NKAIN2: variants seen among roughly 807,000 people sequenced by gnomAD.
NKAIN2 encodes sodium/potassium transporting ATPase interacting 2, also known as sodium/potassium-transporting ATPase subunit beta-1-interacting protein 2.
NKAIN2 carries 14 observed loss-of-function variants against 32.6 expected under a neutral mutation model. The ratio of observed to expected loss-of-function variants is 0.43; its 90% CI spans 0.28 to 0.67. The LOEUF (loss-of-function observed/expected upper bound fraction) is 0.67, where lower values mean the gene tolerates loss of function less well. Ranked by LOEUF, NKAIN2 falls within the 30% of genes least tolerant of loss-of-function variation. The pLI is 0.17. For synonymous variants in NKAIN2, 80 were observed against 87.2 expected (o/e 0.92, Z 0.46); for missense variants, 198 against 258.3 (o/e 0.77, Z 1.60).
At chr6:124,354,320 T>C (rs1006266140) in intron 2 of NKAIN2, among the ~76,000 whole-genome samples, 5 of 152,220 alleles carry the variant, frequency 3.3e-5, no homozygotes, top group Non-Finnish European at 5.9e-5. Flanking sequence ...GGTCTTTGCA[T>C]TCTCAGTGTC....
intron 1 of NKAIN2, among the ~76,000 whole-genome samples, chr6:124,026,693 A>T (rs945191085): frequency 2.6e-5 from 4 of 152,182 alleles, no homozygotes; most frequent in Non-Finnish European, 5.9e-5. Flanking sequence ...GCCACCACTG[A>T]TCAATCAGTG....
rs997554695 is a variant in NKAIN2 at position 124,408,570 on chromosome 6, A to G, written c.273+53223A>G. Reference sequence around the variant, plus strand: ...CATTGATCTATATGTCTGTTTTGGTACCAGTACCATGCTGTTTTGGTTACT... The same window carrying G: ...CATTGATCTATATGTCTGTTTTGGTGCCAGTACCATGCTGTTTTGGTTACT... On this transcript the variant is annotated intron_variant, in intron 3 of 6. Coordinates refer to ENST00000368417, the MANE Select transcript of NKAIN2 (RefSeq NM_001040214.3). Among the ~76,000 whole-genome samples, 182 of 152,318 alleles carry G rather than the reference A, an allele frequency of 1.2e-3. 2 individuals are homozygous for G. The highest frequency in any genetic ancestry group is 5.4e-4 in the Non-Finnish European group (37 of 68,022).
At chr6:124,165,622 C>T (rs941931677) in intron 1 of NKAIN2, among the ~76,000 whole-genome samples, 10 of 149,994 alleles carry the variant, frequency 6.7e-5, no homozygotes, top group Non-Finnish European at 7.4e-5. Context: ...CCCATTAACT[C>T]GTCATTTAGC....
At chr6:123,867,104 A>G (rs1456531726) in intron 1 of NKAIN2, among the ~76,000 whole-genome samples, 1 of 151,990 alleles carries the variant, frequency 6.6e-6, no homozygotes, top group Non-Finnish European at 1.5e-5. Flanking sequence ...ATTCTTTCTA[A>G]CCATCCGTAT....
chr6:124,617,067 A>G (rs1380894387), intron 3 of NKAIN2, among the ~76,000 whole-genome samples: 2 of 152,218 alleles, frequency 1.3e-5, no homozygotes, highest in Non-Finnish European at 2.9e-5. Flanking sequence ...CCAGCTTTAT[A>G]AACTTAGGCA....
At chr6:124,819,831 C>T (rs80051042) in intron 6 of NKAIN2, among the ~76,000 whole-genome samples, 2,593 of 152,122 alleles carry the variant, frequency 0.017, 70 homozygotes, top group African/African-American at 0.056. Context: ...AAGAACTAGC[C>T]CTGTCCTCCT....
intron 1 of NKAIN2, among the ~76,000 whole-genome samples, chr6:123,912,403 CAATTT>C (rs1438318442): frequency 6.6e-6 from 1 of 152,060 alleles, no homozygotes; most frequent in African/African-American, 2.4e-5. Context: ...GAGTCCATTT[CAATTT>C]GAGTTGCACT....
chr6:124,223,212 C>CAAAAA (rs369262954), intron 1 of NKAIN2, among the ~76,000 whole-genome samples: 9 of 68,198 alleles, frequency 1.3e-4, no homozygotes, highest in African/African-American at 4.7e-4. Flanking sequence ...GACTCCATCT[C>CAAAAA]AAAAAAAAAA....
At chr6:124,390,987 T>A (rs2114414112) in intron 3 of NKAIN2, 1 of 152,224 alleles carries the variant, frequency 6.6e-6, no homozygotes, top group Middle Eastern at 3.4e-3. Flanking sequence ...TCTGGTGCTG[T>A]TTTGGACATT....
At chr6:124,651,381 C>A (rs1784362131) in intron 3 of NKAIN2, among the ~76,000 whole-genome samples, 1 of 152,216 alleles carries the variant, frequency 6.6e-6, no homozygotes, top group Non-Finnish European at 1.5e-5. Context: ...GGAGGACTCT[C>A]TGCAGTAGCC....
At chr6:124,429,179 G>T (rs532090400) in intron 3 of NKAIN2, among the ~76,000 whole-genome samples, 30 of 151,384 alleles carry the variant, frequency 2.0e-4, no homozygotes, top group South Asian at 8.4e-4. Context: ...CTGGGATCAC[G>T]GGTGCCCACC....
chr6:124,278,650 CATATATATATATATATATATATAT>C lies in NKAIN2; in HGVS notation c.55-4338_55-4315del, dbSNP rs57008229. On this transcript the variant is annotated intron_variant, in intron 1 of 6. Coordinates refer to ENST00000368417, the MANE Select transcript of NKAIN2 (RefSeq NM_001040214.3). Reference sequence around the variant, plus strand: ...CACACAAACACACATATACATAGCTCATATATATATATATATATATATATATATATATATATATATGCTATTATA... The same window carrying C: ...CACACAAACACACATATACATAGCTCATATATATATATATATGCTATTATA... Among the ~76,000 whole-genome samples, 346 of 68,994 alleles carry C rather than the reference CATATATATATATATATATATATAT, an allele frequency of 5.0e-3. 3 individuals are homozygous for C. The highest frequency in any genetic ancestry group is 0.011 in the Middle Eastern group (1 of 88). 45.3% of individuals were successfully genotyped at this position (68,994 alleles called of 152,430 possible).
At chr6:124,259,135 T>C (rs374829075) in intron 1 of NKAIN2, among the ~76,000 whole-genome samples, 104 of 152,324 alleles carry the variant, frequency 6.8e-4, no homozygotes, top group African/African-American at 2.3e-3. Context: ...TCTTCTGGTC[T>C]ACTGGCCTTT....
chr6:124,646,148 GA>G (rs1222574306), intron 3 of NKAIN2, among the ~76,000 whole-genome samples: 4 of 152,016 alleles, frequency 2.6e-5, no homozygotes, highest in Non-Finnish European at 4.4e-5. Flanking sequence ...TGAGTAACTT[GA>G]ATAAAGCAAA....
At chr6:124,122,804 A>G (rs140536034) in intron 1 of NKAIN2, among the ~76,000 whole-genome samples, 1 of 152,148 alleles carries the variant, frequency 6.6e-6, no homozygotes. Flanking sequence ...TTTCCATAGC[A>G]TGATGGTTTA....
At chr6:124,265,542 A>C (rs540949314) in intron 1 of NKAIN2, among the ~76,000 whole-genome samples, 1 of 152,222 alleles carries the variant, frequency 6.6e-6, no homozygotes, top group Non-Finnish European at 1.5e-5. Flanking sequence ...TTGTAATAAG[A>C]TAACAGAAGG....
intron 4 of NKAIN2, among the ~76,000 whole-genome samples, chr6:124,672,207 C>G (rs1251131614): frequency 6.6e-6 from 1 of 151,952 alleles, no homozygotes; most frequent in East Asian, 1.9e-4. Flanking sequence ...CTCCAGATAA[C>G]AGAGGAAATC....
intron 6 of NKAIN2, among the ~76,000 whole-genome samples, chr6:124,822,787 TAA>T (rs60381781): frequency 6.8e-6 from 1 of 147,470 alleles, no homozygotes; most frequent in East Asian, 2.0e-4. Flanking sequence ...AGACTTTGTC[TAA>T]AAAAAAAAAA....
chr6:124,189,057 G>T (rs1279019289), intron 1 of NKAIN2, among the ~76,000 whole-genome samples: 1 of 152,058 alleles, frequency 6.6e-6, no homozygotes, highest in African/African-American at 2.4e-5. Context: ...TTAAATGACA[G>T]CCACATCATC....
Sources: allele counts gnomAD v4.1 joint callset (sites outside exome capture counted in the v4.1 genomes callset), GRCh38; gene constraint gnomAD v4.1.1; transcripts MANE v1.5; gene names NCBI Gene and HGNC (gene_info 2026-07-23, HGNC 2026-07-21).